Variants in ARSB observed in about 807,000 individuals in gnomAD.
ARSB encodes the protein N-acetylgalactosamine-4-sulfatase.
A neutral mutation model predicts 50.9 loss-of-function variants in ARSB; 41 were observed. That is an observed-to-expected ratio of 0.81 (90% CI 0.63 to 1.04). The LOEUF (loss-of-function observed/expected upper bound fraction) is 1.04, where lower values mean the gene tolerates loss of function less well. ARSB is among the 50% of genes least tolerant of loss of function. The pLI is 0.00. For missense variants in ARSB, 672 were observed against 693.3 expected (o/e 0.97, Z 0.35); for synonymous variants, 269 against 284.8 (o/e 0.94, Z 0.56).
intron 1 of ARSB, among the ~76,000 whole-genome samples, chr5:78,984,061 G>A (rs1753035012): frequency 6.6e-6 from 1 of 152,146 alleles, no homozygotes; most frequent in African/African-American, 2.4e-5. Flanking sequence ...CATAAGCCCG[G>A]GACGACCAGT....
intron 2 of ARSB, 117 bp downstream of exon 2, chr5:78,968,889 G>C: frequency 1.6e-6 from 2 of 1,215,156 alleles, no homozygotes; most frequent in Non-Finnish European, 2.4e-6. Context: ...TTACAGTGCC[G>C]ACTGATTCAC....
At chr5:78,943,650 GT>G (rs774018445) in intron 4 of ARSB, among the ~76,000 whole-genome samples, 42 of 152,226 alleles carry the variant, frequency 2.8e-4, no homozygotes, top group Non-Finnish European at 5.6e-4. Flanking sequence ...GAGACCGACT[GT>G]TAGTCTGATG....
At chr5:78,985,401 C>T (rs908817517), upstream of ARSB, 3 of 687,272 alleles carry the variant, frequency 4.4e-6, no homozygotes, top group Non-Finnish European at 5.9e-6. Flanking sequence ...GCTCGGCCCC[C>T]GCCGCCTCCG....
chr5:78,821,859 T>A (rs1008580350), intron 6 of ARSB, among the ~76,000 whole-genome samples: 4 of 152,212 alleles, frequency 2.6e-5, no homozygotes, highest in Non-Finnish European at 5.9e-5. Flanking sequence ...TTTCTCTAAC[T>A]AAACTGCTGA....
intron 5 of ARSB, among the ~76,000 whole-genome samples, chr5:78,867,300 C>G (rs1434149886): frequency 6.6e-6 from 1 of 151,930 alleles, no homozygotes; most frequent in African/African-American, 2.4e-5. Context: ...GAAGCTCGAA[C>G]TGGGTGGAGC....
chr5:78,959,626 T>C (rs1188013966), intron 3 of ARSB, among the ~76,000 whole-genome samples: 2 of 152,286 alleles, frequency 1.3e-5, no homozygotes, highest in South Asian at 2.1e-4. Context: ...ATGTCGGTAC[T>C]ATAGCCCATT....
chr5:78,961,525 T>G (rs1751984418), intron 3 of ARSB, among the ~76,000 whole-genome samples: 1 of 152,168 alleles, frequency 6.6e-6, no homozygotes, highest in South Asian at 2.1e-4. Flanking sequence ...TAGCAAGCTT[T>G]TAGGGCCTCC....
chr5:78,929,513 C>T (rs1327158995), intron 4 of ARSB, among the ~76,000 whole-genome samples: 1 of 151,878 alleles, frequency 6.6e-6, no homozygotes, highest in African/African-American at 2.4e-5. Context: ...GAGACTGGCC[C>T]GGCGCAGTGG....
intron 6 of ARSB, among the ~76,000 whole-genome samples, chr5:78,820,923 G>GA (rs921698689): frequency 9.8e-5 from 14 of 143,066 alleles, no homozygotes; most frequent in African/African-American, 1.6e-4. Flanking sequence ...ATCATTGACA[G>GA]AAAAAAGTAT....
intron 4 of ARSB, among the ~76,000 whole-genome samples, chr5:78,898,308 G>C (rs971515006): frequency 2.6e-5 from 4 of 151,970 alleles, no homozygotes; most frequent in Non-Finnish European, 4.4e-5. Flanking sequence ...AAAATTTCAG[G>C]CCCAAATGCC....
chr5:78,804,130 T>G (rs1194040873), intron 6 of ARSB, among the ~76,000 whole-genome samples: 1 of 151,998 alleles, frequency 6.6e-6, no homozygotes, highest in East Asian at 1.9e-4. Flanking sequence ...AGTGAGACTC[T>G]TGCAAAATGA....
intron 5 of ARSB, among the ~76,000 whole-genome samples, chr5:78,882,457 C>T (rs1474359542): frequency 6.6e-6 from 1 of 152,098 alleles, no homozygotes; most frequent in Non-Finnish European, 1.5e-5. Context: ...GATTTAATTT[C>T]AAATCATTTA....
intron 6 of ARSB, among the ~76,000 whole-genome samples, chr5:78,827,229 A>AAT (rs1407959317): frequency 6.6e-6 from 1 of 151,906 alleles, no homozygotes; most frequent in Non-Finnish European, 1.5e-5. Flanking sequence ...TTTTTTTTGA[A>AAT]ATAGAGTCTT....
intron 5 of ARSB, among the ~76,000 whole-genome samples, chr5:78,872,574 C>A (rs905599470): frequency 4.3e-5 from 6 of 139,418 alleles, no homozygotes; most frequent in African/African-American, 1.6e-4. Context: ...GAACAAAAAA[C>A]CAAACACCGC....
In ARSB at chr5:78,841,168, C is replaced by CTACTAATAATAATAATAATAATAA. The variant is rs368030435; in HGVS notation, c.1143-1743_1143-1742insTTATTATTATTATTATTATTAGTA. On this transcript the variant is annotated intron_variant, in intron 5 of 7. Transcript: ENST00000264914. ...ACTACTACTACTACTACTACTACTA[C>CTACTAATAATAATAATAATAATAA]TAATAATAATAATAATTTGAGCATG... Among the ~76,000 whole-genome samples, 1,284 of 131,966 alleles carry CTACTAATAATAATAATAATAATAA rather than the reference C, an allele frequency of 9.7e-3. 12 individuals carry two copies. Among genetic ancestry groups the CTACTAATAATAATAATAATAATAA allele is most frequent in the Admixed American group, 0.023 (283 of 12,418 alleles). 86.6% of individuals were successfully genotyped at this position (131,966 alleles called of 152,430 possible).
At chr5:78,815,857 G>A (rs1743964505) in intron 6 of ARSB, 1 of 1,375,152 alleles carries the variant, frequency 7.3e-7, no homozygotes, top group Non-Finnish European at 9.4e-7. Flanking sequence ...AATAATATAA[G>A]AAATGACCCA....
chr5:78,839,448 A>C (rs1489630836), intron 5 of ARSB, 22 bp from the exon 6 acceptor site: 1 of 1,600,038 alleles, frequency 6.2e-7, no homozygotes, highest in Non-Finnish European at 8.6e-7. Context: ...TTTTTAAGGG[A>C]ATGTTAATTT....
intron 5 of ARSB, among the ~76,000 whole-genome samples, chr5:78,853,941 A>C (rs552760700): frequency 4.6e-5 from 7 of 152,180 alleles, no homozygotes; most frequent in Non-Finnish European, 1.0e-4. Context: ...GGAGTGACCC[A>C]ATTTTCCAGG....
chr5:78,852,847 A>C (rs973214768), intron 5 of ARSB, among the ~76,000 whole-genome samples: 13 of 152,130 alleles, frequency 8.5e-5, no homozygotes, highest in African/African-American at 3.1e-4. Flanking sequence ...AGTTGATTGC[A>C]TCAGCTCCTG....
Sources: allele counts gnomAD v4.1 joint callset (sites outside exome capture counted in the v4.1 genomes callset), GRCh38; gene constraint gnomAD v4.1.1; transcripts MANE v1.5; gene names NCBI Gene and HGNC (gene_info 2026-07-23, HGNC 2026-07-21).